The following IFI16 variants were observed in gnomAD, a reference collection of about 807,000 sequenced individuals.
IFI16 encodes gamma-interferon-inducible protein 16.
In IFI16, 49 loss-of-function variants were observed where a neutral mutation model predicts 68.4. The observed-to-expected ratio is 0.72, with a 90% CI of 0.57 to 0.91. The LOEUF is 0.91. Ranked by LOEUF, IFI16 falls within the 40% of genes least tolerant of loss-of-function variation. The pLI, the probability that IFI16 is intolerant of heterozygous loss-of-function variation, is 0.00. For missense variants in IFI16, 878 were observed against 942.9 expected (o/e 0.93, Z 0.90); for synonymous variants, 307 against 315.0 (o/e 0.97, Z 0.27).
In IFI16 at chr1:159,052,089, G is replaced by GGTACAT; in HGVS notation, c.2077_2082dup (p.Val693_His694dup). The stretch of plus-strand genomic sequence containing the variant: ...GAAGTTTTGTGAATGGGGTGTTTGA[G>GGTACAT]GTACATAAGGTAAGCCCACACCATT... On this transcript the variant is annotated inframe_insertion, in exon 10 of 12. Transcript: ENST00000295809. 1 of 1,609,114 alleles carries GGTACAT rather than the reference G, an allele frequency of 6.2e-7. No homozygotes were observed. Among genetic ancestry groups the GGTACAT allele is most frequent in the Non-Finnish European group, 8.5e-7 (1 of 1,178,658 alleles).
intron 6 of IFI16, among the ~76,000 whole-genome samples, chr1:159,028,799 T>TGTCTGATGTAAGAATAGC (rs1557871335): frequency 2.0e-5 from 3 of 152,064 alleles, no homozygotes; most frequent in African/African-American, 4.8e-5. Context: ...AAGTTTGTTT[T>TGTCTGATGTAAGAATAGC]TTGGTGTCCA....
intron 6 of IFI16, among the ~76,000 whole-genome samples, chr1:159,024,016 A>T (rs538590377): frequency 6.6e-6 from 1 of 152,216 alleles, no homozygotes; most frequent in Non-Finnish European, 1.5e-5. Flanking sequence ...CCATATGTCC[A>T]TTTCTGGTCA....
chr1:159,004,040 G>A (rs1199917860), upstream of IFI16, among the ~76,000 whole-genome samples: 1 of 152,146 alleles, frequency 6.6e-6, no homozygotes, highest in Admixed American at 6.5e-5. Flanking sequence ...TTATTTGTGT[G>A]AACAGCAGTT....
At chr1:159,015,052 T>A in intron 2 of IFI16, 107 bp downstream of exon 2, 1 of 1,099,700 alleles carries the variant, frequency 9.1e-7, no homozygotes, top group South Asian at 1.6e-5. Context: ...TTCCCCAGTT[T>A]GTGACTCAAC....
At chr1:159,050,604 G>A (rs775252727) in intron 9 of IFI16, among the ~76,000 whole-genome samples, 6 of 151,996 alleles carry the variant, frequency 3.9e-5, no homozygotes, top group East Asian at 3.9e-4. Context: ...GGAGGCAGCC[G>A]TCCTGCCTCC....
rs547265138 is a variant in IFI16, at chr1:159,018,773, T to G, written c.972+122T>G. 42 of 702,750 alleles carry G rather than the reference T, an allele frequency of 6.0e-5. No individual in the cohort carries two copies. The South Asian group carries it at 7.5e-4, about 12-fold the overall frequency. The allele number at this position is 702,750 out of a possible 1,614,324, so 43.5% of individuals were successfully genotyped here. A position where few individuals can be genotyped will look rare whatever the true frequency, so the allele number is the denominator to read the frequency against. Reference sequence around the variant, plus strand: ...TAGAATCCAGGACTCTGAAGACTAATGACAGGTGGATAAAGACTTCTCTGA... The same window carrying G: ...TAGAATCCAGGACTCTGAAGACTAAGGACAGGTGGATAAAGACTTCTCTGA... On this transcript the variant is annotated intron_variant, in intron 5 of 11. Transcript: ENST00000295809.
rs542756315 is a variant in IFI16, at chr1:159,041,938, C to T, written c.1330-3359C>T. On this transcript the variant is annotated intron_variant, in intron 7 of 11. Coordinates refer to ENST00000295809, the MANE Select transcript of IFI16 (RefSeq NM_001376587.1). ...TATTCCTGGAAAATTCTGATTTCTC[C>T]TACATACTGGCTTAAAAGGGACATG... is the stretch of plus-strand genomic sequence containing the variant. Among the ~76,000 whole-genome samples the T allele has an allele frequency of 6.6e-5, 10 of 152,288 alleles. No homozygotes were observed. In the East Asian group the frequency reaches 1.2e-3, roughly 18 times the overall value.
chr1:159,006,588 T>G (rs1483886763), upstream of IFI16, among the ~76,000 whole-genome samples: 1 of 152,130 alleles, frequency 6.6e-6, no homozygotes, highest in Non-Finnish European at 1.5e-5. Flanking sequence ...GCCCTTAGTG[T>G]CTTGTAAATT....
chr1:159,038,312 G>C (rs1654437916), intron 7 of IFI16, among the ~76,000 whole-genome samples: 1 of 152,074 alleles, frequency 6.6e-6, no homozygotes, highest in South Asian at 2.1e-4. Context: ...TAACAAGCAG[G>C]TTTTATAGCC....
At chr1:159,027,486 TTTG>T (rs762240632) in intron 6 of IFI16, among the ~76,000 whole-genome samples, 10 of 152,058 alleles carry the variant, frequency 6.6e-5, no homozygotes, top group South Asian at 2.1e-4. Context: ...CTGTAGTTTT[TTTG>T]TTGTTGTTGT....
intron 9 of IFI16, among the ~76,000 whole-genome samples, chr1:159,051,162 A>G (rs921972134): frequency 6.6e-6 from 1 of 151,910 alleles, no homozygotes; most frequent in Non-Finnish European, 1.5e-5. Flanking sequence ...AGCACTTTGA[A>G]TTGGAGGGGC....
chr1:159,011,154 C>T (rs183852252), intron 1 of IFI16, among the ~76,000 whole-genome samples: 2 of 152,058 alleles, frequency 1.3e-5, no homozygotes, highest in African/African-American at 2.4e-5. Flanking sequence ...GAGACCAAGG[C>T]GAGCGGATCA....
chr1:159,053,097 GAA>G (rs1339695881), intron 10 of IFI16: 1 of 153,622 alleles, frequency 6.5e-6, no homozygotes, highest in African/African-American at 2.4e-5. Flanking sequence ...GTTACATATT[GAA>G]ATAACAGTCT....
intron 1 of IFI16, among the ~76,000 whole-genome samples, chr1:159,013,730 C>G (rs1184206181): frequency 1.3e-5 from 2 of 151,958 alleles, no homozygotes; most frequent in African/African-American, 4.8e-5. Flanking sequence ...GCTTTCCAGG[C>G]AGTAAGAAGG....
upstream of IFI16, among the ~76,000 whole-genome samples, chr1:159,006,874 C>T (rs186229308): frequency 3.6e-3 from 555 of 152,296 alleles, 4 homozygotes; most frequent in African/African-American, 0.013. Flanking sequence ...GCACCATAAA[C>T]TTCTCCCATC....
chr1:159,042,856 C>T (rs2570916), intron 7 of IFI16, among the ~76,000 whole-genome samples: 95,930 of 152,124 alleles, frequency 0.63, 36,387 homozygotes, highest in Non-Finnish European at 0.81. Context: ...CTGATATCAC[C>T]CCCTGTGTTA....
rs780889500 is a variant in IFI16 at position 159,051,850 on chromosome 1, G to A, written c.1837G>A (p.Val613Met). The A allele has an allele frequency of 4.3e-6, 7 of 1,614,016 alleles. No homozygotes were observed. The East Asian group carries it at 1.3e-4, about 31-fold the overall frequency. ...GGCAACTGAGAATGAAGTCTTCCGAGTGAAGGTTTTTAATATTGACCTAAA... is the reference window on the plus strand; with the variant it reads ...GGCAACTGAGAATGAAGTCTTCCGAATGAAGGTTTTTAATATTGACCTAAA... ...TVATENEVFR[V>M]KVFNIDLKEK... is the part of the protein sequence containing the mutation. The change falls in exon 10 of 12, where the codon GTG (valine) becomes ATG (methionine). Residue 613 changes from valine to methionine, a missense_variant. By Grantham distance (21) the Val-to-Met change is conservative. Around this residue, in one of 4 missense-constraint regions of IFI16, gnomAD observed 311 missense variants for 305.1 expected, o/e 1.02. Coordinates refer to ENST00000295809, the MANE Select transcript of IFI16 (RefSeq NM_001376587.1).
Position 159,020,394 on chromosome 1 carries a change from A to G in IFI16, c.1026A>G (p.Lys342=), listed in dbSNP as rs1001431500. The change falls in exon 6 of 12, where the codon AAA becomes AAG. Residue 342 remains lysine, a synonymous_variant. Transcript: ENST00000295809. ...TIYEIQDDRG[K]MDVVGTGQCH... ...ACGAAATTCAGGATGATAGAGGAAA[A>G]ATGGATGTAGTGGGGACAGGACAAT... 4 of 1,612,908 alleles carry G rather than the reference A, an allele frequency of 2.5e-6. No homozygotes were observed. Among genetic ancestry groups the G allele is most frequent in the Non-Finnish European group, 3.4e-6 (4 of 1,179,342 alleles).
chr1:159,011,364 CAG>C (rs1362267942), intron 1 of IFI16, among the ~76,000 whole-genome samples: 2 of 146,200 alleles, frequency 1.4e-5, no homozygotes, highest in African/African-American at 2.5e-5. Flanking sequence ...GCCTGGGTGA[CAG>C]AGCAAGGCTC....
Sources: gnomAD v4.1 joint callset for allele counts (sites outside exome capture counted in the v4.1 genomes callset) on GRCh38, gnomAD v4.1.1 for gene constraint, gnomAD v4.1.1 regional missense constraint, MANE v1.5 for transcripts, NCBI Gene and HGNC (gene_info 2026-07-23, HGNC 2026-07-21) for gene names.